The following COL4A4 variants were observed in gnomAD, a reference collection of about 807,000 sequenced individuals.
COL4A4 encodes collagen alpha-4(IV) chain.
In COL4A4, 105 loss-of-function variants were observed where a neutral mutation model predicts 192.9. The ratio of observed to expected loss-of-function variants is 0.54; its 90% CI spans 0.46 to 0.64. The LOEUF is 0.64. Ranked by LOEUF, COL4A4 falls within the 30% of genes least tolerant of loss-of-function variation. COL4A4 has a pLI of 0.00. For synonymous variants in COL4A4, 762 were observed against 769.9 expected (o/e 0.99, Z 0.17); for missense variants, 1,967 against 2,169.3 (o/e 0.91, Z 1.85).
chr2:227,062,486 T>A (rs545599331), intron 26 of COL4A4, 44 bp downstream of exon 26: 1 of 1,158,444 alleles, frequency 8.6e-7, no homozygotes, highest in East Asian at 2.3e-5. Context: ...TTTTTTTTTT[T>A]ACTCTGGGAA....
chr2:227,092,418 T>C (rs1389702067), intron 20 of COL4A4, among the ~76,000 whole-genome samples: 1 of 151,934 alleles, frequency 6.6e-6, no homozygotes, highest in Non-Finnish European at 1.5e-5. Flanking sequence ...GGAAAGAAAG[T>C]CTCAGGATAT....
chr2:227,031,729 T>C (rs927782307), intron 40 of COL4A4, among the ~76,000 whole-genome samples: 24 of 152,036 alleles, frequency 1.6e-4, no homozygotes, highest in Admixed American at 1.4e-3. Context: ...AGAGCTGAAA[T>C]TGAAGAGAGG....
At chr2:227,048,229 T>G (rs1386456795) in intron 34 of COL4A4, among the ~76,000 whole-genome samples, 2 of 152,272 alleles carry the variant, frequency 1.3e-5, no homozygotes, top group East Asian at 3.9e-4. Flanking sequence ...TAGATGTATC[T>G]TATAGTAACT....
intron 4 of COL4A4, among the ~76,000 whole-genome samples, chr2:227,128,934 TC>T (rs2062251355): frequency 6.6e-6 from 1 of 152,106 alleles, no homozygotes; most frequent in South Asian, 2.1e-4. Context: ...CCCTGCAGTT[TC>T]CACACCCCCA....
Position 227,114,676 on chromosome 2 carries a change from T to C in COL4A4, c.510A>G (p.Gly170=), listed in dbSNP as rs2124925592. 1 of 1,613,860 alleles carries C rather than the reference T, an allele frequency of 6.2e-7. No individual in the cohort carries two copies. The highest frequency in any genetic ancestry group is 1.1e-5 in the South Asian group (1 of 91,064). Residue 170 remains glycine (G), a synonymous_variant, in exon 8 of 48, where the codon GGA becomes GGG. Transcript: ENST00000396625. Reference sequence around the variant, plus strand: ...AAATGAACACTGAATTTCCTTTTTCTCCCTTTTCCCCAGGATGGCCCTGAA... The same window carrying C: ...AAATGAACACTGAATTTCCTTTTTCCCCCTTTTCCCCAGGATGGCCCTGAA... The part of the protein sequence containing the change: ...GGPLGHPGEK[G]EKGNSVFILG...
chr2:227,026,393 G>A (rs1262907940), intron 42 of COL4A4, among the ~76,000 whole-genome samples: 1 of 151,938 alleles, frequency 6.6e-6, no homozygotes, highest in East Asian at 1.9e-4. Context: ...AGCTACTCCG[G>A]AGGCTGAGGC....
At chr2:227,105,604 GAAGAA>G (rs1375315127) in intron 12 of COL4A4, among the ~76,000 whole-genome samples, 1 of 152,054 alleles carries the variant, frequency 6.6e-6, no homozygotes, top group Non-Finnish European at 1.5e-5. Flanking sequence ...TTTTTCTACT[GAAGAA>G]AAGAATGTTT....
intron 4 of COL4A4, among the ~76,000 whole-genome samples, chr2:227,125,172 T>G (rs993196479): frequency 6.6e-6 from 1 of 152,158 alleles, no homozygotes; most frequent in Non-Finnish European, 1.5e-5. Flanking sequence ...AAACGTGTGC[T>G]GATTTGAGAA....
Position 227,032,196 on chromosome 2 carries a change from T to C in COL4A4, c.3658A>G (p.Ile1220Val), listed in dbSNP as rs766035577. Reference protein sequence around the residue: ...GERGDPGSPGISPPGPRGKKG... With the variant: ...GERGDPGSPGVSPPGPRGKKG... ...TTTCCACGAGGACCTGGAGGAGAGA[T>C]TCCTGGGCTCCCAGGGTCTCCTCTC... The change falls in exon 39 of 48, where the codon ATC becomes GTC. Residue 1220 changes from isoleucine to valine, a missense_variant. Transcript: ENST00000396625. 8.1e-6 allele frequency: 13 copies of C among 1,614,054 alleles called. No homozygotes were observed. Among genetic ancestry groups the C allele is most frequent in the Non-Finnish European group, 8.5e-7 (1 of 1,179,978 alleles).
intron 1 of COL4A4, among the ~76,000 whole-genome samples, chr2:227,158,734 G>A (rs546063638): frequency 2.1e-5 from 3 of 142,734 alleles, no homozygotes; most frequent in South Asian, 4.4e-4. Context: ...ATTCAACATC[G>A]TTAGTTATTG....
intron 1 of COL4A4, among the ~76,000 whole-genome samples, chr2:227,159,446 C>T (rs2064634225): frequency 6.6e-6 from 1 of 152,164 alleles, no homozygotes; most frequent in Non-Finnish European, 1.5e-5. Flanking sequence ...TAATTCCATG[C>T]TTTAAGTGGA....
chr2:227,125,388 TA>T (rs1345954336), intron 4 of COL4A4, among the ~76,000 whole-genome samples: 4 of 152,208 alleles, frequency 2.6e-5, no homozygotes, highest in South Asian at 4.1e-4. Flanking sequence ...TTTGTATTTT[TA>T]GTAGAGACTG....
intron 9 of COL4A4, 39 bp from the exon 10 acceptor site, chr2:227,109,325 T>C (rs2061044301): frequency 6.5e-7 from 1 of 1,532,004 alleles, no homozygotes; most frequent in South Asian, 1.1e-5. Flanking sequence ...TTACCCAAAA[T>C]TGTAATCATC....
chr2:227,153,070 G>A (rs911738408), intron 1 of COL4A4, among the ~76,000 whole-genome samples: 3 of 152,202 alleles, frequency 2.0e-5, no homozygotes, highest in Non-Finnish European at 4.4e-5. Context: ...AGGCAAGAGA[G>A]AATGAGAGCC....
intron 2 of COL4A4, among the ~76,000 whole-genome samples, chr2:227,145,316 G>A (rs1037967435): frequency 7.2e-5 from 11 of 152,014 alleles, no homozygotes; most frequent in Non-Finnish European, 2.9e-5. Flanking sequence ...GCATGGTGGT[G>A]CATGCCTGTA....
rs567004482 is a variant in COL4A4, at chr2:227,125,736, A to G, written c.193-4588T>C. ...TCTGCCTCTGGCTGATTCATCTCTC[A>G]AGGCTGCAGTGGAAAGATTCCCCTG... On this transcript the variant is annotated intron_variant, in intron 4 of 47. Transcript: ENST00000396625. 1.2e-4 allele frequency among the ~76,000 whole-genome samples: 18 copies of G among 152,012 alleles called. No homozygotes were observed. The South Asian group carries it at 3.7e-3, about 32-fold the overall frequency.
intron 43 of COL4A4, among the ~76,000 whole-genome samples, chr2:227,024,537 G>C (rs1256544623): frequency 1.3e-5 from 2 of 152,204 alleles, no homozygotes; most frequent in Admixed American, 6.5e-5. Context: ...TAGCTATGGT[G>C]TTCTTCAAAT....
the COL4A4 span, among the ~76,000 whole-genome samples, chr2:226,982,384 T>C: frequency 3.3e-5 from 5 of 152,356 alleles, no homozygotes; most frequent in African/African-American, 1.2e-4. Flanking sequence ...GGATTGTTTT[T>C]GTAATTATGC....
chr2:227,017,026 G>A (rs1965031270), intron 44 of COL4A4, among the ~76,000 whole-genome samples: 1 of 152,116 alleles, frequency 6.6e-6, no homozygotes, highest in South Asian at 2.1e-4. Flanking sequence ...AGGAACATGG[G>A]GCCCCAACAG....
Sources: allele counts gnomAD v4.1 joint callset (sites outside exome capture counted in the v4.1 genomes callset), GRCh38; gene constraint gnomAD v4.1.1; transcripts MANE v1.5; gene names NCBI Gene and HGNC (gene_info 2026-07-23, HGNC 2026-07-21).